The following NEK4 variants were observed in gnomAD, a reference collection of about 807,000 sequenced individuals.
The protein encoded by NEK4 is serine/threonine-protein kinase Nek4.
In NEK4, 86 loss-of-function variants were observed where a neutral mutation model predicts 98.4. The ratio of observed to expected loss-of-function variants is 0.87; its 90% confidence interval spans 0.73 to 1.05. The LOEUF is 1.05. NEK4 is among the 50% of genes least tolerant of loss of function. The pLI is 0.00. For synonymous variants in NEK4, 328 were observed against 342.2 expected (o/e 0.96, Z 0.46); for missense variants, 898 against 950.3 (o/e 0.94, Z 0.72).
At position 52,711,616 on chromosome 3, in the gene NEK4, G is replaced by T; in HGVS notation, c.*161C>A. 1.7e-6 allele frequency: 1 copy of T among 584,728 alleles called. No individual in the cohort carries two copies. 36.2% of individuals were successfully genotyped at this position (584,728 alleles called of 1,614,324 possible). ...TTGTGATCCTGCTTCATATTATTCTGTTCTGTCCAATTTCTTTTCTGTAGG... is the reference window on the plus strand; with the variant it reads ...TTGTGATCCTGCTTCATATTATTCTTTTCTGTCCAATTTCTTTTCTGTAGG... On this transcript the variant is annotated 3_prime_UTR_variant, in exon 16 of 16. Coordinates refer to ENST00000233027, the MANE Select transcript of NEK4 (RefSeq NM_003157.6).
intron 12 of NEK4, among the ~76,000 whole-genome samples, chr3:52,742,510 T>C (rs2097388166): frequency 6.6e-6 from 1 of 152,162 alleles, no homozygotes; most frequent in Admixed American, 6.5e-5. Context: ...AAATAATACA[T>C]CCAATACTTT....
chr3:52,733,713 G>C (rs976463024), intron 15 of NEK4: 1 of 443,900 alleles, frequency 2.3e-6, no homozygotes, highest in African/African-American at 2.0e-5. Flanking sequence ...AAGGTCTTCG[G>C]ACACAAGTTA....
At chr3:52,737,537 A>T (rs756045375) in intron 15 of NEK4, 49 bp downstream of exon 15, 4 of 1,595,778 alleles carry the variant, frequency 2.5e-6, no homozygotes, top group Non-Finnish European at 2.6e-6. Context: ...AAGGTTGTTT[A>T]AAAAATTCTA....
At chr3:52,732,776 C>T in intron 15 of NEK4, 1 of 261,074 alleles carries the variant, frequency 3.8e-6, no homozygotes, top group Non-Finnish European at 8.3e-6. Flanking sequence ...GAGCTCTGGA[C>T]TCTGCAGGGT....
intron 12 of NEK4, among the ~76,000 whole-genome samples, chr3:52,742,552 A>G (rs1008357509): frequency 3.9e-5 from 6 of 152,208 alleles, no homozygotes; most frequent in Non-Finnish European, 7.3e-5. Flanking sequence ...AGAGTATTAT[A>G]CAGAGAGGTG....
intron 15 of NEK4, among the ~76,000 whole-genome samples, chr3:52,713,484 G>A (rs1355347987): frequency 6.6e-6 from 1 of 152,004 alleles, no homozygotes; most frequent in African/African-American, 2.4e-5. Context: ...ATAAACATAT[G>A]GCCCCTATTC....
intron 15 of NEK4, among the ~76,000 whole-genome samples, chr3:52,734,155 C>T (rs985194136): frequency 3.9e-5 from 6 of 151,948 alleles, no homozygotes; most frequent in Admixed American, 1.3e-4. Context: ...GTCAAGAGAT[C>T]GAGACCACAG....
At chr3:52,722,868 C>T (rs1199436146) in intron 15 of NEK4, among the ~76,000 whole-genome samples, 1 of 152,036 alleles carries the variant, frequency 6.6e-6, no homozygotes, top group Non-Finnish European at 1.5e-5. Flanking sequence ...TGCCCTCTAG[C>T]CTGAGCGACA....
Position 52,709,652 on chromosome 3 carries a change from G to C in NEK4, c.*2125C>G, listed in dbSNP as rs2097348401. 1 of 126,954 alleles carries C rather than the reference G, an allele frequency of 7.9e-6. No homozygotes were observed. The highest frequency in any genetic ancestry group is 3.0e-5 in the African/African-American group (1 of 33,128). 7.9% of individuals were successfully genotyped at this position (126,954 alleles called of 1,614,324 possible). On this transcript the variant is annotated 3_prime_UTR_variant, in exon 16 of 16. Coordinates refer to ENST00000233027, the MANE Select transcript of NEK4 (RefSeq NM_003157.6). ...GGAGGTCAAGGCTGCAGTGAGCTATGATCACCTCACTGCACTCCAGGCTGG... is the reference window on the plus strand; with the variant it reads ...GGAGGTCAAGGCTGCAGTGAGCTATCATCACCTCACTGCACTCCAGGCTGG...
chr3:52,709,904 T>G lies in NEK4; in HGVS notation c.*1873A>C, dbSNP rs932850055. 6.6e-6 allele frequency: 1 copy of G among 152,192 alleles called. No homozygotes were observed. The allele number at this position is 152,192 out of a possible 1,614,324, so 9.4% of individuals were successfully genotyped here. A position where few individuals can be genotyped will look rare whatever the true frequency, so the allele number is the denominator to read the frequency against. On this transcript the variant is annotated 3_prime_UTR_variant, in exon 16 of 16. Transcript: ENST00000233027. The stretch of plus-strand genomic sequence containing the variant: ...TTGTTCCCAACTGGGCATTGGGACT[T>G]GATGGTTTTGCAAGTTGAGTTCTAG...
intron 13 of NEK4, among the ~76,000 whole-genome samples, chr3:52,740,548 A>G (rs1252667028): frequency 6.6e-6 from 1 of 152,216 alleles, no homozygotes; most frequent in Non-Finnish European, 1.5e-5. Flanking sequence ...CTGTAATACC[A>G]GCAGTCTGGG....
At chr3:52,730,876 G>C (rs184673234) in intron 15 of NEK4, among the ~76,000 whole-genome samples, 2 of 152,250 alleles carry the variant, frequency 1.3e-5, no homozygotes. Flanking sequence ...GCCAGGGGCT[G>C]GTGGGGGCAG....
chr3:52,724,783 C>A (rs539144941), intron 15 of NEK4, among the ~76,000 whole-genome samples: 5 of 152,110 alleles, frequency 3.3e-5, no homozygotes, highest in Non-Finnish European at 7.4e-5. Flanking sequence ...TAATGTATTA[C>A]ATATTTCAAA....
chr3:52,743,330 C>T, intron 12 of NEK4, 22 bp downstream of exon 12: 1 of 1,587,066 alleles, frequency 6.3e-7, no homozygotes, highest in Non-Finnish European at 8.7e-7. Flanking sequence ...TCCACCTTCT[C>T]TCTTAGGAGT....
chr3:52,764,926 T>C (rs1578705517), intron 4 of NEK4, among the ~76,000 whole-genome samples: 1 of 152,326 alleles, frequency 6.6e-6, no homozygotes, highest in East Asian at 1.9e-4. Context: ...CCTTCTTGTT[T>C]GATTCTTAAG....
At chr3:52,736,446 C>T (rs1351760454) in intron 15 of NEK4, among the ~76,000 whole-genome samples, 2 of 152,034 alleles carry the variant, frequency 1.3e-5, no homozygotes, top group African/African-American at 4.8e-5. Flanking sequence ...ATTAGCCAAG[C>T]GTGGTGGTGG....
chr3:52,742,362 T>G (rs528436512), intron 12 of NEK4, among the ~76,000 whole-genome samples: 1 of 151,852 alleles, frequency 6.6e-6, no homozygotes, highest in East Asian at 1.9e-4. Context: ...CAAGCCACCA[T>G]GCCCAGCTTC....
rs2097406766 is a variant in NEK4, at chr3:52,752,337, C to T, written c.964-1G>A. On this transcript the variant is annotated splice_acceptor_variant, in intron 6 of 15. Coordinates refer to ENST00000233027, the MANE Select transcript of NEK4 (RefSeq NM_003157.6). LOFTEE classifies it high-confidence loss of function. ...CCTGGGACAAACATTTGCCTTCACC[C>T]TGAATGAAAAGATGTTTGGAAATTA... The T allele has an allele frequency of 1.2e-6, 2 of 1,606,548 alleles. No individual in the cohort carries two copies. Among genetic ancestry groups the T allele is most frequent in the African/African-American group, 1.3e-5 (1 of 74,530 alleles).
At chr3:52,715,851 C>T (rs1292759925) in intron 15 of NEK4, among the ~76,000 whole-genome samples, 1 of 152,230 alleles carries the variant, frequency 6.6e-6, no homozygotes, top group Non-Finnish European at 1.5e-5. Flanking sequence ...TTTCTCACCA[C>T]GTTGCATGTG....
Sources: allele counts gnomAD v4.1 joint callset (sites outside exome capture counted in the v4.1 genomes callset), GRCh38; gene constraint gnomAD v4.1.1; transcripts MANE v1.5; gene names NCBI Gene and HGNC (gene_info 2026-07-23, HGNC 2026-07-21).